Variants in GLG1 observed in about 807,000 individuals in gnomAD.
The protein encoded by GLG1 is Golgi apparatus protein 1.
A neutral mutation model predicts 160.5 loss-of-function variants in GLG1; 38 were observed. The observed-to-expected ratio is 0.24, with a 90% confidence interval of 0.18 to 0.31. The LOEUF (loss-of-function observed/expected upper bound fraction) is 0.31. Ranked by LOEUF, GLG1 falls within the 10% of genes least tolerant of loss-of-function variation. The pLI is 1.00. For missense variants in GLG1, 1,373 were observed against 1,505.2 expected (o/e 0.91, Z 1.45); for synonymous variants, 644 against 543.4 (o/e 1.19, Z -2.57).
At chr16:74,594,072 A>G (rs370312084) in intron 1 of GLG1, among the ~76,000 whole-genome samples, 4 of 151,950 alleles carry the variant, frequency 2.6e-5, no homozygotes, top group African/African-American at 4.8e-5. Flanking sequence ...ATGTCTGGCT[A>G]ATTTTTTTAT....
intron 9 of GLG1, 139 bp from the exon 10 acceptor site, chr16:74,483,263 C>G (rs2015672046): frequency 3.3e-6 from 2 of 600,672 alleles, no homozygotes; most frequent in African/African-American, 1.9e-5. Context: ...AAGAATCACT[C>G]AAATTAACTG....
intron 2 of GLG1, among the ~76,000 whole-genome samples, chr16:74,517,746 G>C (rs144103453): frequency 0.012 from 1,850 of 152,314 alleles, 35 homozygotes; most frequent in African/African-American, 0.043. Context: ...AATAGGAAGA[G>C]AAGAAGTCAA....
At chr16:74,573,713 C>A (rs1173204152) in intron 1 of GLG1, among the ~76,000 whole-genome samples, 1 of 150,826 alleles carries the variant, frequency 6.6e-6, no homozygotes. Context: ...AATTAGCCCT[C>A]CTGGGTTCAA....
intron 2 of GLG1, among the ~76,000 whole-genome samples, chr16:74,524,147 T>G (rs2017261265): frequency 6.6e-6 from 1 of 152,016 alleles, no homozygotes; most frequent in Admixed American, 6.6e-5. Context: ...AGGTGGAGAC[T>G]GCAGTGAGCC....
intron 1 of GLG1, among the ~76,000 whole-genome samples, chr16:74,604,160 G>C (rs1185790858): frequency 6.6e-6 from 1 of 152,110 alleles, no homozygotes; most frequent in Non-Finnish European, 1.5e-5. Flanking sequence ...CTGCACTCCA[G>C]CCTGGATGAC....
At chr16:74,564,561 G>C (rs1177080268) in intron 1 of GLG1, among the ~76,000 whole-genome samples, 6 of 152,132 alleles carry the variant, frequency 3.9e-5, no homozygotes, top group Admixed American at 3.9e-4. Flanking sequence ...TGATCATGAG[G>C]ACACCAAAAC....
chr16:74,583,863 T>A (rs552942681), intron 1 of GLG1, among the ~76,000 whole-genome samples: 7 of 152,264 alleles, frequency 4.6e-5, no homozygotes, highest in African/African-American at 1.7e-4. Flanking sequence ...GAGGGTATCA[T>A]CATCACCACA....
At chr16:74,487,157 C>T (rs1399251883) in intron 8 of GLG1, among the ~76,000 whole-genome samples, 4 of 152,142 alleles carry the variant, frequency 2.6e-5, no homozygotes, top group Non-Finnish European at 5.9e-5. Context: ...CCGCCCACCT[C>T]GAACTCCCAA....
chr16:74,509,849 A>C (rs1419565439), intron 2 of GLG1, among the ~76,000 whole-genome samples: 2 of 132,226 alleles, frequency 1.5e-5, no homozygotes, highest in South Asian at 4.7e-4. Context: ...ACTCTGTCTC[A>C]AAAAAAAAAA....
chr16:74,521,229 T>C (rs1378638174), intron 2 of GLG1, among the ~76,000 whole-genome samples: 6 of 151,556 alleles, frequency 4.0e-5, no homozygotes, highest in African/African-American at 1.5e-4. Context: ...GGTCAGAGAG[T>C]TGGTATTTGC....
At chr16:74,539,768 A>G (rs2017782453) in intron 1 of GLG1, among the ~76,000 whole-genome samples, 1 of 147,902 alleles carries the variant, frequency 6.8e-6, no homozygotes, top group South Asian at 2.1e-4. Flanking sequence ...AGAAAGATCC[A>G]TCTCTCTAGA....
chr16:74,557,423 T>C (rs988038931), intron 1 of GLG1, among the ~76,000 whole-genome samples: 1 of 152,142 alleles, frequency 6.6e-6, no homozygotes, highest in African/African-American at 2.4e-5. Context: ...AAGCTCTCTT[T>C]AGGTCTGGGG....
At chr16:74,511,575 C>CT (rs10595609) in intron 2 of GLG1, among the ~76,000 whole-genome samples, 1 of 111,272 alleles carries the variant, frequency 9.0e-6, no homozygotes, top group Non-Finnish European at 1.8e-5. Flanking sequence ...TAACTTGAAC[C>CT]TTTTTTTTTT....
Position 74,452,508 on chromosome 16 carries a change from A to G in GLG1, c.*659T>C. On this transcript the variant is annotated 3_prime_UTR_variant, in exon 26 of 26. Coordinates refer to ENST00000422840, the MANE Select transcript of GLG1 (RefSeq NM_001145667.2). ...TACCCATGGCTGTGGGGCTGTGACC[A>G]GCAGTGGCTGATTAGGGTGGAAACT... 1 of 1,024,148 alleles carries G rather than the reference A, an allele frequency of 9.8e-7. No individual in the cohort carries two copies. Among genetic ancestry groups the G allele is most frequent in the Non-Finnish European group, 1.2e-6 (1 of 852,324 alleles). The allele number at this position is 1,024,148 out of a possible 1,614,324, so 63.4% of individuals were successfully genotyped here.
At chr16:74,585,386 G>A (rs1014135649) in intron 1 of GLG1, among the ~76,000 whole-genome samples, 4 of 152,110 alleles carry the variant, frequency 2.6e-5, no homozygotes, top group African/African-American at 9.7e-5. Flanking sequence ...TGCAGCCTGG[G>A]CAACAGAGCG....
At chr16:74,574,563 T>C (rs536666526) in intron 1 of GLG1, among the ~76,000 whole-genome samples, 11 of 152,024 alleles carry the variant, frequency 7.2e-5, no homozygotes, top group Non-Finnish European at 1.5e-4. Context: ...AATAATAAAT[T>C]TTGGCAACAA....
chr16:74,468,793 G>GC, intron 17 of GLG1, 153 bp downstream of exon 17: 1 of 630,650 alleles, frequency 1.6e-6, no homozygotes, highest in Non-Finnish European at 2.9e-6. Flanking sequence ...GACACAGGAA[G>GC]CTAATGGTCG....
chr16:74,503,778 G>C (rs371198048), intron 3 of GLG1, 32 bp from the exon 4 acceptor site: 150 of 1,354,224 alleles, frequency 1.1e-4, no homozygotes, highest in Non-Finnish European at 1.6e-4. Context: ...TTTTACAAAA[G>C]TGTTCCATGC....
At chr16:74,567,069 T>C in intron 1 of GLG1, among the ~76,000 whole-genome samples, 1 of 152,076 alleles carries the variant, frequency 6.6e-6, no homozygotes, top group East Asian at 1.9e-4. Context: ...AAGAAAACCT[T>C]TCAGGCCGCT....
Sources: allele counts gnomAD v4.1 joint callset (sites outside exome capture counted in the v4.1 genomes callset), GRCh38; gene constraint gnomAD v4.1.1; transcripts MANE v1.5; gene names NCBI Gene and HGNC (gene_info 2026-07-23, HGNC 2026-07-21).